TBX4: variants seen among roughly 807,000 people sequenced by gnomAD.
TBX4 encodes T-box transcription factor 4.
Under a neutral mutation model 54.6 loss-of-function variants are expected in TBX4, and 13 were observed. The observed-to-expected ratio is 0.24, with a 90% CI of 0.15 to 0.38. TBX4 has a LOEUF of 0.38. Ranked by LOEUF, TBX4 falls within the 10% of genes least tolerant of loss-of-function variation. The probability of loss-of-function intolerance (pLI) is 1.00; values close to 1 mark genes in which losing one functional copy is unlikely to be tolerated. For synonymous variants in TBX4, 314 were observed against 306.7 expected (o/e 1.02, Z -0.25); for missense variants, 631 against 728.5 (o/e 0.87, Z 1.54).
chr17:61,467,357 C>T (rs898091567), intron 4 of TBX4, among the ~76,000 whole-genome samples, 153 bp from the exon 5 acceptor site: 5 of 152,206 alleles, frequency 3.3e-5, no homozygotes, highest in African/African-American at 1.2e-4. Flanking sequence ...CTGAACCTCA[C>T]ACTCCTACCC....
Position 61,456,541 on chromosome 17 carries a change from G to A in TBX4, c.51G>A (p.Pro17=). The A allele has an allele frequency of 6.4e-7, 1 of 1,557,394 alleles. No homozygotes were observed. The highest frequency in any genetic ancestry group is 8.7e-7 in the Non-Finnish European group (1 of 1,151,286). Reference sequence around the variant, plus strand: ...AGAGCGAGGAGGCCTTCCGGGCCCCGGGCCCAGCGCTCGGAGAGGCCAGCG... The same window carrying A: ...AGAGCGAGGAGGCCTTCCGGGCCCCAGGCCCAGCGCTCGGAGAGGCCAGCG... ...LSESEEAFRA[P]GPALGEASAA... is the part of the protein sequence containing the mutation. Residue 17 remains proline (P), a synonymous_variant, in exon 2 of 9, where the codon CCG becomes CCA. Transcript: ENST00000644296.
In TBX4 at chr17:61,465,892, A is replaced by G. The variant is rs2060533053; in HGVS notation, c.355A>G (p.Ile119Val). The G allele has an allele frequency of 1.2e-6, 2 of 1,614,128 alleles. No homozygotes were observed. The highest frequency in any genetic ancestry group is 1.1e-5 in the South Asian group (1 of 91,072). The change falls in exon 4 of 9, where the codon ATT (isoleucine) becomes GTT (valine). Residue 119 changes from isoleucine to valine, a missense_variant. This residue lies in a region of TBX4 where 154 missense variants were observed against 238.6 expected (regional missense o/e 0.65). Transcript: ENST00000644296. The surrounding 1 kb of genome is among the most constrained non-coding windows in gnomAD (Gnocchi z 4.9). ...GACCAAGTATATCCTGCTGATTGAC[A>G]TTGTCCCTGCCGATGACCATCGCTA... ...PKTKYILLID[I>V]VPADDHRYKF...
chr17:61,483,112 C>A lies in TBX4; in HGVS notation c.1237C>A (p.Pro413Thr), dbSNP rs1287136023. Reference protein sequence around the residue: ...AGVSGVDDLPPPPLSCNMWTS... With the variant: ...AGVSGVDDLPTPPLSCNMWTS... ...GGTGTCTGGGGTGGACGACCTGCCC[C>A]CACCTCCGCTGAGCTGTAACATGTG... is the stretch of plus-strand genomic sequence containing the variant. Residue 413 changes from proline to threonine, a missense_variant, in exon 9 of 9, where the codon CCA becomes ACA. Pro to Thr is a conservative substitution (Grantham distance 38). This residue lies in a region of TBX4 where 354 missense variants were observed against 368.9 expected (regional missense o/e 0.96). Coordinates refer to ENST00000644296, the MANE Select transcript of TBX4 (RefSeq NM_001321120.2). The surrounding 1 kb of genome is among the most constrained non-coding windows in gnomAD (Gnocchi z 6.6). 1.2e-6 allele frequency: 2 copies of A among 1,614,112 alleles called. No homozygotes were observed.
rs1425991969 is a variant in TBX4 at position 61,467,492 on chromosome 17, T to TATC, written c.402-17_402-15dup. ...AGCCCCTGGAGTAATCACCTGCTCT[T>TATC]ATCTGCTCTGTTGGCAGGATGGTGG... On this transcript the variant is annotated splice_polypyrimidine_tract_variant and intron_variant, in intron 4 of 8. Coordinates refer to ENST00000644296, the MANE Select transcript of TBX4 (RefSeq NM_001321120.2). The TATC allele has an allele frequency of 5.0e-6, 8 of 1,614,216 alleles. No homozygotes were observed. Among genetic ancestry groups the TATC allele is most frequent in the Admixed American group, 1.7e-5 (1 of 60,028 alleles).
chr17:61,470,702 A>C (rs2060570948), intron 5 of TBX4, among the ~76,000 whole-genome samples: 1 of 152,182 alleles, frequency 6.6e-6, no homozygotes, highest in Admixed American at 6.5e-5. Flanking sequence ...GGGCTGGATG[A>C]GCTGCCTCCA....
At position 61,456,515 on chromosome 17, in the gene TBX4, G is replaced by A. The variant is rs748755835; in HGVS notation, c.25G>A (p.Glu9Lys). The A allele has an allele frequency of 1.2e-5, 19 of 1,567,674 alleles. No homozygotes were observed. Among genetic ancestry groups the A allele is most frequent in the South Asian group, 3.5e-5 (3 of 85,064 alleles). MLQDKGLS[E>K]SEEAFRAPGP... ...GATGCTGCAGGATAAGGGCCTGTCCGAGAGCGAGGAGGCCTTCCGGGCCCC... is the reference window on the plus strand; with the variant it reads ...GATGCTGCAGGATAAGGGCCTGTCCAAGAGCGAGGAGGCCTTCCGGGCCCC... Residue 9 changes from glutamate to lysine, a missense_variant, in exon 2 of 9, where the codon GAG (glutamate) becomes AAG (lysine). Glu to Lys is a moderately conservative substitution (Grantham distance 56, BLOSUM62 1). Coordinates refer to ENST00000644296, the MANE Select transcript of TBX4 (RefSeq NM_001321120.2).
rs1006507221 is a variant in TBX4 at position 61,474,476 on chromosome 17, A to T, written c.550-4151A>T. Among the ~76,000 whole-genome samples the T allele has an allele frequency of 2.0e-5, 3 of 152,196 alleles. No individual in the cohort carries two copies. Among genetic ancestry groups the T allele is most frequent in the African/African-American group, 7.2e-5 (3 of 41,434 alleles). Reference sequence around the variant, plus strand: ...AAAATTAGAGAGCTGGACACGAATGATCTCAATGGCCTGCCTCTCCATGCC... The same window carrying T: ...AAAATTAGAGAGCTGGACACGAATGTTCTCAATGGCCTGCCTCTCCATGCC... On this transcript the variant is annotated intron_variant, in intron 5 of 8. Transcript: ENST00000644296. The surrounding 1 kb of genome is among the most constrained non-coding windows in gnomAD (Gnocchi z 4.6).
At chr17:61,473,171 C>T (rs763208726) in intron 5 of TBX4, among the ~76,000 whole-genome samples, 4 of 152,220 alleles carry the variant, frequency 2.6e-5, no homozygotes, top group South Asian at 2.1e-4. Flanking sequence ...TTCTTCAAAA[C>T]GTATTCAGGT....
rs2060442358 is a variant in TBX4 at position 61,455,639 on chromosome 17, C to A, written c.-3-849C>A. Among the ~76,000 whole-genome samples, 6 of 152,350 alleles carry A rather than the reference C, an allele frequency of 3.9e-5. No individual in the cohort carries two copies. The South Asian group carries it at 1.2e-3, about 32-fold the overall frequency. On this transcript the variant is annotated intron_variant, in intron 1 of 8. Coordinates refer to ENST00000644296, the MANE Select transcript of TBX4 (RefSeq NM_001321120.2). ...ATGGGCCCAGCCTGCTGGCCTGGTC[C>A]TTCACTGGGAAGGGTGTGGGTCTTT...
intron 5 of TBX4, among the ~76,000 whole-genome samples, chr17:61,469,376 G>A (rs757480124): frequency 1.3e-5 from 2 of 152,190 alleles, no homozygotes; most frequent in Non-Finnish European, 2.9e-5. Flanking sequence ...CTGCTTGATG[G>A]GCTTGTGATG....
rs2060503138 is a variant in TBX4, at chr17:61,462,524, G to A, written c.282-3295G>A. On this transcript the variant is annotated intron_variant, in intron 3 of 8. Transcript: ENST00000644296. This position sits in a 1 kb window ranked among gnomAD's most constrained non-coding sequence, Gnocchi z 4.5. ...GAGGACGGGGTGGGAGCAGGGAGAGGGTAGGGGGCATAGGGAGAGGGTGCA... is the reference window on the plus strand; with the variant it reads ...GAGGACGGGGTGGGAGCAGGGAGAGAGTAGGGGGCATAGGGAGAGGGTGCA... Among the ~76,000 whole-genome samples, 1 of 151,850 alleles carries A rather than the reference G, an allele frequency of 6.6e-6. No homozygotes were observed. The highest frequency in any genetic ancestry group is 6.6e-5 in the Admixed American group (1 of 15,260).
chr17:61,467,190 A>G (rs2060543035), intron 4 of TBX4, among the ~76,000 whole-genome samples: 1 of 152,202 alleles, frequency 6.6e-6, no homozygotes, highest in Admixed American at 6.5e-5. Context: ...AAGTGTAAAT[A>G]TACATAGAAG....
chr17:61,483,638 GTGTGTGTGTGTGTGTA>G lies in TBX4; in HGVS notation c.*124_*139del, dbSNP rs2060683387. The G allele has an allele frequency of 3.5e-6, 4 of 1,148,796 alleles. No homozygotes were observed. The highest frequency in any genetic ancestry group is 3.1e-5 in the African/African-American group (2 of 64,858). The allele number at this position is 1,148,796 out of a possible 1,614,324, so 71.2% of individuals were successfully genotyped here. On this transcript the variant is annotated 3_prime_UTR_variant, in exon 9 of 9. Transcript: ENST00000644296. This position sits in a 1 kb window ranked among gnomAD's most constrained non-coding sequence, Gnocchi z 6.6. ...AGTGTGTGTGTGTGTGTGTGTGTGT[GTGTGTGTGTGTGTGTA>G]TACACGAGCATGTATGTATTTGGAG...
At chr17:61,471,543 A>AT (rs59212228) in intron 5 of TBX4, among the ~76,000 whole-genome samples, 6,505 of 136,246 alleles carry the variant, frequency 0.048, 163 homozygotes, top group Non-Finnish European at 0.052. Flanking sequence ...TCTTTTCAGC[A>AT]TTTTTTTTTT....
rs1425608190 is a variant in TBX4, at chr17:61,478,067, T to C, written c.550-560T>C. Among the ~76,000 whole-genome samples, 1 of 152,088 alleles carries C rather than the reference T, an allele frequency of 6.6e-6. No homozygotes were observed. The highest frequency in any genetic ancestry group is 1.5e-5 in the Non-Finnish European group (1 of 68,012). ...CATTTTCCTCAGCTTTTTCCCTCTC[T>C]CTCATCCTGCAAAACCCAAGTATTT... On this transcript the variant is annotated intron_variant, in intron 5 of 8. Coordinates refer to ENST00000644296, the MANE Select transcript of TBX4 (RefSeq NM_001321120.2). The surrounding 1 kb of genome is among the most constrained non-coding windows in gnomAD (Gnocchi z 7.4).
intron 8 of TBX4, among the ~76,000 whole-genome samples, chr17:61,482,186 T>C (rs2060667896): frequency 6.6e-6 from 1 of 152,248 alleles, no homozygotes; most frequent in Non-Finnish European, 1.5e-5. Context: ...TTGTGGAGGA[T>C]GTCGAAAGGC....
Position 61,478,441 on chromosome 17 carries a change from G to A in TBX4, c.550-186G>A. ...TGCAGAGAGGCTAAGTAGGGCTGGG[G>A]TGGGGAGAGTTTGGGGCCCAGGGGC... is the stretch of plus-strand genomic sequence containing the variant. On this transcript the variant is annotated intron_variant, in intron 5 of 8. Transcript: ENST00000644296. The surrounding 1 kb of genome is among the most constrained non-coding windows in gnomAD (Gnocchi z 7.4). 1 of 707,324 alleles carries A rather than the reference G, an allele frequency of 1.4e-6. No individual in the cohort carries two copies. Among genetic ancestry groups the A allele is most frequent in the African/African-American group, 1.8e-5 (1 of 56,392 alleles). 43.8% of individuals were successfully genotyped at this position (707,324 alleles called of 1,614,324 possible).
In TBX4 at chr17:61,480,891, G is replaced by A. The variant is rs1361147914; in HGVS notation, c.1021+572G>A. On this transcript the variant is annotated intron_variant, in intron 8 of 8. Coordinates refer to ENST00000644296, the MANE Select transcript of TBX4 (RefSeq NM_001321120.2). This position sits in a 1 kb window ranked among gnomAD's most constrained non-coding sequence, Gnocchi z 6.2. ...GTGCCAGGCCTCTTCGTAAAGAGGA[G>A]GAGCCCGGAGCTGGGCACCATCACA... 6.6e-6 allele frequency among the ~76,000 whole-genome samples: 1 copy of A among 152,168 alleles called. No homozygotes were observed. The highest frequency in any genetic ancestry group is 1.5e-5 in the Non-Finnish European group (1 of 68,014).
At chr17:61,477,386 G>T (rs1265250653) in intron 5 of TBX4, among the ~76,000 whole-genome samples, 3 of 152,214 alleles carry the variant, frequency 2.0e-5, no homozygotes, top group African/African-American at 7.2e-5. Flanking sequence ...TGGCAGCCGC[G>T]CCTCCAGGGC....
Sources: allele counts gnomAD v4.1 joint callset (sites outside exome capture counted in the v4.1 genomes callset), GRCh38; gene constraint gnomAD v4.1.1; regional missense constraint gnomAD v4.1.1; non-coding constraint Gnocchi (gnomAD v3.1); transcripts MANE v1.5; gene names NCBI Gene and HGNC (gene_info 2026-07-23, HGNC 2026-07-21).